The following CYB5R4 variants were observed in gnomAD, a reference collection of about 807,000 sequenced individuals.
CYB5R4 encodes N-terminal cytochrome b5 and cytochrome b5 oxidoreductase domain-containing protein.
In CYB5R4, 55 loss-of-function variants were observed where a neutral mutation model predicts 70.2. The ratio of observed to expected loss-of-function variants is 0.78; its 90% CI spans 0.63 to 0.98. The LOEUF (loss-of-function observed/expected upper bound fraction) is 0.98. CYB5R4 is among the 50% of genes least tolerant of loss of function. The pLI is 0.00. For missense variants in CYB5R4, 562 were observed against 612.6 expected (o/e 0.92, Z 0.87); for synonymous variants, 197 against 199.5 (o/e 0.99, Z 0.11).
chr6:83,929,516 T>A lies in CYB5R4; in HGVS notation c.814+4924T>A, dbSNP rs184579226. 2.0e-5 allele frequency: 3 copies of A among 152,248 alleles called. No homozygotes were observed. The East Asian group carries it at 5.8e-4, about 29-fold the overall frequency. The allele number at this position is 152,248 out of a possible 1,614,324, so 9.4% of individuals were successfully genotyped here. A position where few individuals can be genotyped will look rare whatever the true frequency, so the allele number is the denominator to read the frequency against. On this transcript the variant is annotated intron_variant, in intron 10 of 15. Transcript: ENST00000369681. ...CTTCCATCCAAATGTAGTAGGTCAG[T>A]ATTTTAAATTGTATGAATTGAACCA...
chr6:83,958,167 A>C (rs1320704542), intron 15 of CYB5R4, among the ~76,000 whole-genome samples: 1 of 152,222 alleles, frequency 6.6e-6, no homozygotes, highest in African/African-American at 2.4e-5. Context: ...TTTTTTAAAA[A>C]ATACAGATAA....
At chr6:83,944,079 C>G (rs2099470200) in intron 14 of CYB5R4, among the ~76,000 whole-genome samples, 1 of 152,104 alleles carries the variant, frequency 6.6e-6, no homozygotes, top group Non-Finnish European at 1.5e-5. Flanking sequence ...TCAGGAAATA[C>G]AGAGAACACC....
intron 3 of CYB5R4, among the ~76,000 whole-genome samples, chr6:83,895,051 A>G (rs959980848): frequency 1.3e-5 from 2 of 152,166 alleles, no homozygotes; most frequent in African/African-American, 4.8e-5. Context: ...GTTGGAGAAG[A>G]GTCATGTTTA....
intron 14 of CYB5R4, among the ~76,000 whole-genome samples, chr6:83,941,832 AAC>A (rs1268741611): frequency 6.6e-6 from 1 of 152,230 alleles, no homozygotes; most frequent in African/African-American, 2.4e-5. Flanking sequence ...AGTATTTTTT[AAC>A]ACATTTTCAA....
At chr6:83,898,779 G>T (rs1036947481) in intron 3 of CYB5R4, among the ~76,000 whole-genome samples, 10 of 152,060 alleles carry the variant, frequency 6.6e-5, no homozygotes, top group Non-Finnish European at 1.3e-4. Flanking sequence ...TGTTATTGGT[G>T]TATAAGAATG....
chr6:83,868,715 T>C (rs2099457114), intron 2 of CYB5R4, among the ~76,000 whole-genome samples: 2 of 152,234 alleles, frequency 1.3e-5, no homozygotes, highest in South Asian at 2.1e-4. Context: ...TTTACAGATA[T>C]GTAAAGTGTT....
chr6:83,929,773 T>TA (rs2099467875), intron 10 of CYB5R4, among the ~76,000 whole-genome samples: 1 of 152,160 alleles, frequency 6.6e-6, no homozygotes, highest in South Asian at 2.1e-4. Context: ...GATACTGTCT[T>TA]TAATATGGAG....
chr6:83,904,975 T>C (rs1197235232), intron 3 of CYB5R4, among the ~76,000 whole-genome samples: 1 of 152,168 alleles, frequency 6.6e-6, no homozygotes, highest in African/African-American at 2.4e-5. Flanking sequence ...TCATGTTTCC[T>C]GTGTCCTTAT....
At chr6:83,956,011 A>G (rs1207430462) in intron 15 of CYB5R4, among the ~76,000 whole-genome samples, 10 of 152,324 alleles carry the variant, frequency 6.6e-5, no homozygotes, top group African/African-American at 1.9e-4. Context: ...GATGTGATTT[A>G]GCTTTAAAAT....
chr6:83,921,235 C>T (rs1037378326), intron 8 of CYB5R4, 60 bp downstream of exon 8: 227 of 1,353,052 alleles, frequency 1.7e-4, no homozygotes, highest in South Asian at 3.1e-4. Flanking sequence ...ATGGCAATAA[C>T]TTGGTCTACA....
intron 2 of CYB5R4, among the ~76,000 whole-genome samples, chr6:83,884,066 G>T (rs1342702717): frequency 3.3e-5 from 5 of 151,770 alleles, no homozygotes; most frequent in Non-Finnish European, 5.9e-5. Context: ...AAAACTTGGG[G>T]CTGGGAGGGA....
intron 14 of CYB5R4, 128 bp from the exon 15 acceptor site, chr6:83,955,170 C>T: frequency 1.5e-6 from 1 of 680,630 alleles, no homozygotes; most frequent in Non-Finnish European, 2.2e-6. Context: ...CAGTGTTTTT[C>T]TAGCAAGTAA....
intron 10 of CYB5R4, among the ~76,000 whole-genome samples, chr6:83,931,251 C>T (rs929767255): frequency 2.6e-5 from 4 of 152,242 alleles, no homozygotes; most frequent in Non-Finnish European, 5.9e-5. Flanking sequence ...TAGCGTCTTA[C>T]TCCATCCCAC....
chr6:83,879,435 T>C (rs896335902), intron 2 of CYB5R4, among the ~76,000 whole-genome samples: 1 of 152,162 alleles, frequency 6.6e-6, no homozygotes, highest in Admixed American at 6.5e-5. Flanking sequence ...TGTTTTACAC[T>C]CTTTCCAGCA....
At chr6:83,917,718 A>G (rs575669326) in intron 5 of CYB5R4, among the ~76,000 whole-genome samples, 9 of 152,272 alleles carry the variant, frequency 5.9e-5, no homozygotes, top group African/African-American at 1.7e-4. Context: ...ATAAAGTTCA[A>G]ACACAGGCAA....
At chr6:83,943,097 A>G (rs1350026091) in intron 14 of CYB5R4, among the ~76,000 whole-genome samples, 7 of 152,256 alleles carry the variant, frequency 4.6e-5, no homozygotes, top group Middle Eastern at 6.8e-3. Flanking sequence ...CTCCCAGCAC[A>G]GTGCTCGAGC....
At chr6:83,861,903 C>A (rs1395065687) in intron 1 of CYB5R4, among the ~76,000 whole-genome samples, 4 of 152,112 alleles carry the variant, frequency 2.6e-5, no homozygotes, top group Non-Finnish European at 5.9e-5. Flanking sequence ...AAATATGCTG[C>A]AGGAAATTTT....
intron 12 of CYB5R4, among the ~76,000 whole-genome samples, chr6:83,939,617 A>G (rs2099469446): frequency 6.6e-6 from 1 of 152,230 alleles, no homozygotes; most frequent in Non-Finnish European, 1.5e-5. Context: ...TTAATAATCA[A>G]TGTGTAAATA....
chr6:83,879,461 C>G (rs1193587722), intron 2 of CYB5R4, among the ~76,000 whole-genome samples: 1 of 152,144 alleles, frequency 6.6e-6, no homozygotes, highest in Non-Finnish European at 1.5e-5. Flanking sequence ...TAGTATTTGC[C>G]TCCTGTCAGT....
Sources: allele counts gnomAD v4.1 joint callset (sites outside exome capture counted in the v4.1 genomes callset), GRCh38; gene constraint gnomAD v4.1.1; transcripts MANE v1.5; gene names NCBI Gene and HGNC (gene_info 2026-07-23, HGNC 2026-07-21).